HPSE2: variants seen among roughly 807,000 people sequenced by gnomAD.
HPSE2 encodes the protein heparanase 2 (inactive), also known as inactive heparanase-2.
HPSE2 carries 38 observed loss-of-function variants against 60.5 expected under a neutral mutation model. The ratio of observed to expected loss-of-function variants is 0.63; its 90% CI spans 0.48 to 0.82. The LOEUF (loss-of-function observed/expected upper bound fraction) is 0.82, where lower values mean the gene tolerates loss of function less well. HPSE2 is among the 40% of genes least tolerant of loss of function. HPSE2 has a pLI of 0.00. For synonymous variants in HPSE2, 295 were observed against 293.2 expected (o/e 1.01, Z -0.06); for missense variants, 713 against 740.4 (o/e 0.96, Z 0.43).
Position 98,952,537 on chromosome 10 carries a change from A to G in HPSE2, c.610+191701T>C, listed in dbSNP as rs562722553. On this transcript the variant is annotated intron_variant, in intron 3 of 11. Transcript: ENST00000370552. ...TCAGTTTGCTTTTCTCTTAGAAACTAAAAGAATTCCTGTTGCTCTGGCCAA... is the reference window on the plus strand; with the variant it reads ...TCAGTTTGCTTTTCTCTTAGAAACTGAAAGAATTCCTGTTGCTCTGGCCAA... 1.9e-4 allele frequency among the ~76,000 whole-genome samples: 29 copies of G among 152,310 alleles called. 1 individual carries two copies. Among genetic ancestry groups the G allele is most frequent in the South Asian group, 1.0e-3 (5 of 4,826 alleles).
intron 3 of HPSE2, among the ~76,000 whole-genome samples, chr10:99,064,448 G>A (rs1842547084): frequency 6.6e-6 from 1 of 151,858 alleles, no homozygotes; most frequent in Non-Finnish European, 1.5e-5. Flanking sequence ...CTCTTGATAG[G>A]GATTTTGGAA....
chr10:98,513,217 C>A (rs545653611), intron 9 of HPSE2, among the ~76,000 whole-genome samples: 81 of 152,290 alleles, frequency 5.3e-4, no homozygotes, highest in African/African-American at 1.9e-3. Flanking sequence ...CCTTGCTTCT[C>A]TTACCCAGTC....
intron 3 of HPSE2, among the ~76,000 whole-genome samples, chr10:98,951,666 G>A (rs1955361047): frequency 6.6e-6 from 1 of 152,146 alleles, no homozygotes; most frequent in Non-Finnish European, 1.5e-5. Context: ...AAGACTTGGT[G>A]TCTATGAGGA....
At chr10:98,896,886 A>G (rs375177868) in intron 3 of HPSE2, among the ~76,000 whole-genome samples, 4 of 152,218 alleles carry the variant, frequency 2.6e-5, no homozygotes, top group African/African-American at 7.2e-5. Flanking sequence ...ACACAAATTA[A>G]CAACTCACAC....
At chr10:98,907,332 T>C (rs1355432433) in intron 3 of HPSE2, among the ~76,000 whole-genome samples, 1 of 152,076 alleles carries the variant, frequency 6.6e-6, no homozygotes, top group East Asian at 1.9e-4. Flanking sequence ...AAGGAGGAAG[T>C]ATGCCTCCAT....
intron 3 of HPSE2, among the ~76,000 whole-genome samples, chr10:99,059,939 T>C (rs1958197502): frequency 6.6e-6 from 1 of 151,854 alleles, no homozygotes; most frequent in South Asian, 2.1e-4. Flanking sequence ...TATATGAAAA[T>C]TTATAACAAT....
At chr10:98,754,232 G>A (rs1052748773) in intron 3 of HPSE2, among the ~76,000 whole-genome samples, 5 of 152,126 alleles carry the variant, frequency 3.3e-5, no homozygotes, top group African/African-American at 7.2e-5. Flanking sequence ...ATTAACAGCA[G>A]AATAGATCAA....
At chr10:98,923,438 A>G (rs1443334935) in intron 3 of HPSE2, among the ~76,000 whole-genome samples, 3 of 152,080 alleles carry the variant, frequency 2.0e-5, no homozygotes, top group African/African-American at 7.2e-5. Context: ...ATCTTTCTCT[A>G]GGTTTGGGAA....
chr10:98,575,761 T>C (rs767324016), intron 9 of HPSE2, among the ~76,000 whole-genome samples: 2 of 152,196 alleles, frequency 1.3e-5, no homozygotes, highest in Non-Finnish European at 2.9e-5. Flanking sequence ...TGCAGATTCT[T>C]GACTTTCTTT....
chr10:99,233,744 G>T (rs1179937121), intron 1 of HPSE2, among the ~76,000 whole-genome samples: 1 of 152,190 alleles, frequency 6.6e-6, no homozygotes. Flanking sequence ...AACCAGAATG[G>T]TCGTTTGGCA....
intron 9 of HPSE2, among the ~76,000 whole-genome samples, chr10:98,592,102 T>C (rs1342554865): frequency 6.6e-6 from 1 of 152,238 alleles, no homozygotes; most frequent in Non-Finnish European, 1.5e-5. Context: ...CCATTTTGCT[T>C]CTGTAATCCA....
At chr10:98,795,534 A>G (rs1313744048) in intron 3 of HPSE2, among the ~76,000 whole-genome samples, 1 of 152,194 alleles carries the variant, frequency 6.6e-6, no homozygotes, top group Non-Finnish European at 1.5e-5. Context: ...TGAGTTTCTT[A>G]GAAAGTCTCA....
intron 9 of HPSE2, among the ~76,000 whole-genome samples, chr10:98,509,380 T>G (rs538603177): frequency 4.5e-4 from 68 of 152,200 alleles, no homozygotes; most frequent in African/African-American, 1.6e-3. Flanking sequence ...ATGATAGTTT[T>G]GATTAAAGTG....
intron 6 of HPSE2, among the ~76,000 whole-genome samples, chr10:98,675,602 C>T (rs913052248): frequency 6.6e-6 from 1 of 151,718 alleles, no homozygotes; most frequent in Admixed American, 6.6e-5. Flanking sequence ...GTGGCACACA[C>T]CTGTCATCCC....
intron 3 of HPSE2, among the ~76,000 whole-genome samples, chr10:98,995,113 C>T (rs1190105060): frequency 6.6e-6 from 1 of 152,170 alleles, no homozygotes; most frequent in Non-Finnish European, 1.5e-5. Context: ...TCCTTACTTG[C>T]TTCTGGTGCT....
intron 3 of HPSE2, among the ~76,000 whole-genome samples, chr10:98,869,741 T>C (rs1228344797): frequency 1.3e-5 from 2 of 152,106 alleles, no homozygotes; most frequent in Non-Finnish European, 2.9e-5. Flanking sequence ...GAAATAAGAA[T>C]TTTGATCCTG....
rs949361433 is a variant in HPSE2 at position 99,126,296 on chromosome 10, G to A, written c.610+17942C>T. Among the ~76,000 whole-genome samples, 9 of 152,026 alleles carry A rather than the reference G, an allele frequency of 5.9e-5. No homozygotes were observed. The highest frequency in any genetic ancestry group is 1.7e-4 in the African/African-American group (7 of 41,376). On this transcript the variant is annotated intron_variant, in intron 3 of 11. Transcript: ENST00000370552. This position sits in a 1 kb window ranked among gnomAD's most constrained non-coding sequence, Gnocchi z 4.0. ...CCACAACCAATCCCCCACAGTGGCCGCAGCAAGCCTTGCCCAAGTCTGAGC... is the reference window on the plus strand; with the variant it reads ...CCACAACCAATCCCCCACAGTGGCCACAGCAAGCCTTGCCCAAGTCTGAGC...
At chr10:98,919,938 T>TGTGGCAAGACAATATGTAACG (rs1954234565) in intron 3 of HPSE2, among the ~76,000 whole-genome samples, 1 of 152,188 alleles carries the variant, frequency 6.6e-6, no homozygotes, top group Non-Finnish European at 1.5e-5. Flanking sequence ...AGTACTCCAG[T>TGTGGCAAGACAATATGTAACG]GTGGCAAGAC....
intron 3 of HPSE2, among the ~76,000 whole-genome samples, chr10:98,948,201 C>G (rs990092736): frequency 6.6e-6 from 1 of 152,122 alleles, no homozygotes; most frequent in Non-Finnish European, 1.5e-5. Context: ...ACAATAAATT[C>G]CTGCTGGAGA....
Sources: allele counts gnomAD v4.1 joint callset (sites outside exome capture counted in the v4.1 genomes callset), GRCh38; gene constraint gnomAD v4.1.1; non-coding constraint Gnocchi (gnomAD v3.1); transcripts MANE v1.5; gene names NCBI Gene and HGNC (gene_info 2026-07-23, HGNC 2026-07-21).